Variants in PCDH15 observed in about 807,000 individuals in gnomAD.
The protein encoded by PCDH15 is protocadherin related 15, also known as protocadherin-15.
Under a neutral mutation model 178.5 loss-of-function variants are expected in PCDH15, and 129 were observed. The observed-to-expected ratio is 0.72, with a 90% CI of 0.63 to 0.84. The LOEUF (loss-of-function observed/expected upper bound fraction) is 0.84, where lower values mean the gene tolerates loss of function less well. PCDH15 is among the 40% of genes least tolerant of loss of function. The pLI is 0.00. For missense variants in PCDH15, 2,230 were observed against 2,099.9 expected, an observed-to-expected ratio of 1.06 and a Z score of -1.21; for synonymous variants, 800 against 732.0, an observed-to-expected ratio of 1.09 and a Z score of -1.50.
rs200299853 is a variant in PCDH15 at position 54,189,384 on chromosome 10, C to T, written c.1306-4116G>A. 2.2e-5 allele frequency: 34 copies of T among 1,552,766 alleles called. No homozygotes were observed. The African/African-American group carries it at 2.3e-4, about 11-fold the overall frequency. ...CCTACAGGAACTCCACTGGGTGGAA[C>T]CTATACGCAAATTAAACATGAAATA... On this transcript the variant is annotated intron_variant, in intron 11 of 37. Coordinates refer to ENST00000644397, the MANE Select transcript of PCDH15 (RefSeq NM_001384140.1).
At chr10:54,966,435 G>A (rs538004935) in intron 2 of PCDH15, among the ~76,000 whole-genome samples, 1 of 152,134 alleles carries the variant, frequency 6.6e-6, no homozygotes. Context: ...AACCTAGATG[G>A]TATATCCTAC....
intron 29 of PCDH15, 37 bp downstream of exon 29, chr10:53,840,283 A>G: frequency 6.3e-7 from 1 of 1,595,304 alleles, no homozygotes; most frequent in South Asian, 1.1e-5. Flanking sequence ...TTGCTATTGT[A>G]ACCAAAGAGC....
intron 2 of PCDH15, among the ~76,000 whole-genome samples, chr10:55,572,452 A>G (rs1467072535): frequency 6.6e-6 from 1 of 151,178 alleles, no homozygotes; most frequent in Admixed American, 6.6e-5. Context: ...ATTTTTAAAT[A>G]TTAATTATTA....
chr10:55,307,614 TTC>T (rs148907102), intron 1 of PCDH15, among the ~76,000 whole-genome samples: 14 of 151,040 alleles, frequency 9.3e-5, no homozygotes, highest in Admixed American at 1.3e-4. Flanking sequence ...TACTTTCTTC[TTC>T]TCTCTCTCTC....
chr10:54,376,309 A>C (rs1158504216), intron 4 of PCDH15, among the ~76,000 whole-genome samples: 6 of 151,596 alleles, frequency 4.0e-5, no homozygotes, highest in Admixed American at 1.3e-4. Context: ...GAAACTACAA[A>C]TATTTTGGTA....
intron 2 of PCDH15, among the ~76,000 whole-genome samples, chr10:54,615,932 G>T (rs2093130110): frequency 6.6e-6 from 1 of 152,018 alleles, no homozygotes; most frequent in Non-Finnish European, 1.5e-5. Flanking sequence ...GCATCACAGG[G>T]ATTGGTACAG....
intron 2 of PCDH15, among the ~76,000 whole-genome samples, chr10:55,341,900 G>A (rs897498526): frequency 5.7e-5 from 8 of 141,340 alleles, no homozygotes; most frequent in Admixed American, 5.1e-4. Flanking sequence ...GCCCACCTCA[G>A]CCAGCCTAAG....
At chr10:53,807,496 A>C (rs1346525803) in intron 37 of PCDH15, among the ~76,000 whole-genome samples, 1 of 152,158 alleles carries the variant, frequency 6.6e-6, no homozygotes, top group Admixed American at 6.6e-5. Flanking sequence ...GTTAAATTGA[A>C]AGGAATGAAC....
intron 6 of PCDH15, among the ~76,000 whole-genome samples, chr10:54,344,330 G>A (rs1047050534): frequency 6.6e-6 from 1 of 152,106 alleles, no homozygotes; most frequent in African/African-American, 2.4e-5. Context: ...GGGAGTAAGA[G>A]TTACATATTA....
chr10:53,955,124 A>C (rs2134224377), intron 23 of PCDH15, among the ~76,000 whole-genome samples: 1 of 152,316 alleles, frequency 6.6e-6, no homozygotes, highest in Non-Finnish European at 1.5e-5. Context: ...CTCACAACGT[A>C]ATGTGAGCTG....
chr10:55,043,430 A>AGGCTGG (rs1016988371), intron 2 of PCDH15, among the ~76,000 whole-genome samples: 2 of 152,034 alleles, frequency 1.3e-5, no homozygotes, highest in African/African-American at 2.4e-5. Context: ...ATAAAACAAA[A>AGGCTGG]GGCTGGGCAC....
intron 2 of PCDH15, among the ~76,000 whole-genome samples, chr10:55,368,039 G>A (rs1845410162): frequency 6.6e-6 from 1 of 151,900 alleles, no homozygotes; most frequent in Admixed American, 6.6e-5. Context: ...AGTTTTTGCT[G>A]TATTTATCAA....
chr10:54,902,171 G>T (rs1954648374), intron 2 of PCDH15, among the ~76,000 whole-genome samples: 1 of 151,934 alleles, frequency 6.6e-6, no homozygotes, highest in South Asian at 2.1e-4. Context: ...TTAAGTTGTT[G>T]GACTTAATCA....
chr10:54,677,580 A>G (rs937173420), intron 1 of PCDH15, among the ~76,000 whole-genome samples: 1 of 152,104 alleles, frequency 6.6e-6, no homozygotes, highest in Non-Finnish European at 1.5e-5. Flanking sequence ...TCCATAAAAT[A>G]CCGTAAATAA....
intron 20 of PCDH15, among the ~76,000 whole-genome samples, chr10:54,013,013 C>T (rs1261408041): frequency 2.0e-5 from 3 of 151,864 alleles, no homozygotes; most frequent in Non-Finnish European, 2.9e-5. Context: ...CTTTAAGAGG[C>T]CCATCTCACA....
chr10:54,644,509 A>G (rs747154904), intron 2 of PCDH15, among the ~76,000 whole-genome samples: 5 of 151,552 alleles, frequency 3.3e-5, no homozygotes, highest in Non-Finnish European at 5.9e-5. Context: ...TTCTTAGTTG[A>G]CTCCTTCTGG....
intron 2 of PCDH15, among the ~76,000 whole-genome samples, chr10:55,414,723 T>G (rs1838431699): frequency 6.6e-6 from 1 of 151,294 alleles, no homozygotes; most frequent in South Asian, 2.1e-4. Context: ...ATATGTTAAT[T>G]TTGTGTCCTG....
chr10:53,906,013 G>A (rs1056099416), intron 25 of PCDH15, among the ~76,000 whole-genome samples: 9 of 152,012 alleles, frequency 5.9e-5, no homozygotes, highest in East Asian at 3.9e-4. Context: ...AAAAAGCCAC[G>A]ATCATTTAGT....
In PCDH15 at chr10:53,811,613, A is replaced by G; in HGVS notation, c.4498T>C (p.Ser1500Pro). ...RPSLLKPEELSMESGIDPGQE... is the reference protein window; with the variant it reads ...RPSLLKPEELPMESGIDPGQE... ...CCAGGATCAATTCCAGACTCCATGG[A>G]TAATTCCTATTGTTCAAAAAGAAAA... The change falls in exon 36 of 38, where the codon TCC (serine) becomes CCC (proline). Residue 1500 changes from serine to proline, a missense_variant. Transcript: ENST00000644397. 2 of 1,553,048 alleles carry G rather than the reference A, an allele frequency of 1.3e-6. No individual in the cohort carries two copies. The highest frequency in any genetic ancestry group is 1.3e-5 in the South Asian group (1 of 77,578).
Sources: allele counts gnomAD v4.1 joint callset (sites outside exome capture counted in the v4.1 genomes callset), GRCh38; gene constraint gnomAD v4.1.1; transcripts MANE v1.5; gene names NCBI Gene and HGNC (gene_info 2026-07-23, HGNC 2026-07-21).